The following DIPK2B variants were observed in gnomAD, a reference collection of about 807,000 sequenced individuals.
DIPK2B encodes divergent protein kinase domain 2B.
Under a neutral mutation model 22.2 loss-of-function variants are expected in DIPK2B, and 15 were observed. The observed-to-expected ratio is 0.68, with a 90% CI of 0.45 to 1.04. DIPK2B has a LOEUF of 1.04. Ranked by LOEUF, DIPK2B falls within the 50% of genes least tolerant of loss-of-function variation. DIPK2B has a pLI of 0.00. For missense variants in DIPK2B, 345 were observed against 348.3 expected, an observed-to-expected ratio of 0.99 and a Z score of 0.08; for synonymous variants, 163 against 153.2, an observed-to-expected ratio of 1.06 and a Z score of -0.47.
chrX:45,198,306 C>T (rs552032130), intron 1 of DIPK2B, among the ~76,000 whole-genome samples: 7 of 111,221 alleles, frequency 6.3e-5, no homozygotes, highest in African/African-American at 2.3e-4. Flanking sequence ...TAAACAGGCA[C>T]GACTTTGATA....
At chrX:45,153,524 CAG>C (rs1200921051) in intron 4 of DIPK2B, among the ~76,000 whole-genome samples, 2 of 44,340 alleles carry the variant, frequency 4.5e-5, no homozygotes, top group African/African-American at 8.1e-5. Flanking sequence ...GTGTGTGTGA[CAG>C]AGAGAGAGGA....
chrX:45,186,868 A>G (rs2047185543), intron 2 of DIPK2B, among the ~76,000 whole-genome samples: 1 of 112,230 alleles, frequency 8.9e-6, no homozygotes, highest in Non-Finnish European at 1.9e-5. Context: ...TCCTATAACC[A>G]TCCCTTACAT....
At chrX:45,158,574 G>A (rs1184398865) in intron 2 of DIPK2B, among the ~76,000 whole-genome samples, 1 of 108,227 alleles carries the variant, frequency 9.2e-6, no homozygotes, top group Non-Finnish European at 1.9e-5. Context: ...TTTCTCTCAT[G>A]ACTTTCTAGC....
chrX:45,163,434 C>T (rs923319460), intron 2 of DIPK2B: 6 of 752,379 alleles, frequency 8.0e-6, no homozygotes, highest in Non-Finnish European at 6.3e-6. Flanking sequence ...GCAATGAAGA[C>T]CGAAATCTAG....
chrX:45,194,457 C>G (rs1335960571), intron 1 of DIPK2B, among the ~76,000 whole-genome samples: 1 of 110,637 alleles, frequency 9.0e-6, no homozygotes, highest in African/African-American at 3.3e-5. Flanking sequence ...ACCATGTTGG[C>G]CAGGCTGGAC....
chrX:45,188,696 C>A (rs1349503232), intron 2 of DIPK2B, among the ~76,000 whole-genome samples: 2 of 112,353 alleles, frequency 1.8e-5, no homozygotes, highest in East Asian at 5.6e-4. Context: ...AGAATCATTT[C>A]ATCACTCCAG....
At chrX:45,165,322 G>A (rs1444489608) in intron 2 of DIPK2B, among the ~76,000 whole-genome samples, 1 of 111,707 alleles carries the variant, frequency 9.0e-6, no homozygotes, top group Non-Finnish European at 1.9e-5. Flanking sequence ...AAAAGGGGAT[G>A]TGCACACTGT....
chrX:45,150,566 C>A lies in DIPK2B; in HGVS notation c.*1086G>T. 9.3e-6 allele frequency: 1 copy of A among 108,028 alleles called. No individual in the cohort carries two copies. The highest frequency in any genetic ancestry group is 2.8e-4 in the East Asian group (1 of 3,522). The allele number at this position is 108,028 out of a possible 1,213,427, so 8.9% of individuals were successfully genotyped here. A position where few individuals can be genotyped will look rare whatever the true frequency, so the allele number is the denominator to read the frequency against. The stretch of plus-strand genomic sequence containing the variant: ...ACAAGAATGTTCTCCCACTCAAGAT[C>A]TCCTGCTCTAGGGAGCGGGGCTGAC... On this transcript the variant is annotated 3_prime_UTR_variant, in exon 5 of 5. Coordinates refer to ENST00000398000, the MANE Select transcript of DIPK2B (RefSeq NM_176819.4).
At chrX:45,200,417 C>G (rs2047261101) in intron 1 of DIPK2B, among the ~76,000 whole-genome samples, 177 bp downstream of exon 1, 1 of 112,065 alleles carries the variant, frequency 8.9e-6, no homozygotes, top group Admixed American at 9.5e-5. Flanking sequence ...TGGAATTTGG[C>G]TTCACATCTT....
chrX:45,198,996 G>A (rs940237962), intron 1 of DIPK2B, among the ~76,000 whole-genome samples: 2 of 111,029 alleles, frequency 1.8e-5, no homozygotes, highest in East Asian at 2.8e-4. Flanking sequence ...CACTTTGCAC[G>A]AGCTCTTCCC....
chrX:45,154,307 C>CTA (rs2046979444), intron 3 of DIPK2B, 109 bp from the exon 4 acceptor site: 4 of 656,679 alleles, frequency 6.1e-6, no homozygotes, highest in Middle Eastern at 1.0e-3. Flanking sequence ...ATCTATCTAT[C>CTA]TATCTATCTA....
rs992671303 is a variant in DIPK2B at position 45,163,309 on chromosome X, C to A, written c.499-5421G>T. 3 of 600,631 alleles carry A rather than the reference C, an allele frequency of 5.0e-6. No homozygotes were observed. In the South Asian group the frequency reaches 2.6e-4, roughly 52 times the overall value. 49.5% of individuals were successfully genotyped at this position (600,631 alleles called of 1,213,427 possible). A position where few individuals can be genotyped will look rare whatever the true frequency, so the allele number is the denominator to read the frequency against. On this transcript the variant is annotated intron_variant, in intron 2 of 4. Coordinates refer to ENST00000398000, the MANE Select transcript of DIPK2B (RefSeq NM_176819.4). The stretch of plus-strand genomic sequence containing the variant: ...ATCCCCACAATCATGTAAATCAATT[C>A]TTTGAAATAAATCTGGACATGTATA...
chrX:45,176,261 A>G (rs772858492), intron 2 of DIPK2B, among the ~76,000 whole-genome samples: 17 of 102,718 alleles, frequency 1.7e-4, no homozygotes, highest in Non-Finnish European at 2.6e-4. Flanking sequence ...GAATGAAGTG[A>G]GCCTCATGAG....
chrX:45,151,664 G>A lies in DIPK2B; in HGVS notation c.1290C>T (p.Asn430=), dbSNP rs1291286010. The part of the protein sequence containing the change: ...FAYRYPDCKY[N]DKF ...AGACACCAGCCCTTCAGAACTTATC[G>A]TTATATTTGCAATCTGGGTAACGAT... is the stretch of plus-strand genomic sequence containing the variant. Residue 430 remains asparagine, a synonymous_variant, in exon 5 of 5, where the codon AAC becomes AAT. Coordinates refer to ENST00000398000, the MANE Select transcript of DIPK2B (RefSeq NM_176819.4). 9 of 1,209,556 alleles carry A rather than the reference G, an allele frequency of 7.4e-6. No homozygotes were observed. Among genetic ancestry groups the A allele is most frequent in the South Asian group, 5.3e-5 (3 of 56,699 alleles).
intron 2 of DIPK2B, among the ~76,000 whole-genome samples, chrX:45,166,232 A>G (rs1266856551): frequency 9.0e-6 from 1 of 111,571 alleles, no homozygotes; most frequent in African/African-American, 3.3e-5. Flanking sequence ...CACCAGATGC[A>G]TGGTCGCTGG....
intron 2 of DIPK2B, among the ~76,000 whole-genome samples, chrX:45,187,305 A>T (rs2047188515): frequency 8.9e-6 from 1 of 112,351 alleles, no homozygotes; most frequent in African/African-American, 3.2e-5. Context: ...TTTGTGAACA[A>T]GCACCTTATC....
At chrX:45,184,588 A>G (rs1461607070) in intron 2 of DIPK2B, among the ~76,000 whole-genome samples, 1 of 112,282 alleles carries the variant, frequency 8.9e-6, no homozygotes, top group Non-Finnish European at 1.9e-5. Flanking sequence ...TTTATAAATT[A>G]TGCCTTCCAC....
At chrX:45,163,691 CT>C (rs992723351) in intron 2 of DIPK2B, 6 of 752,721 alleles carry the variant, frequency 8.0e-6, no homozygotes, top group African/African-American at 2.3e-5. Context: ...AAGAGGTATG[CT>C]TTTTTTTCCC....
chrX:45,153,438 G>A (rs924805217), intron 4 of DIPK2B, among the ~76,000 whole-genome samples: 29 of 109,242 alleles, frequency 2.7e-4, no homozygotes, highest in African/African-American at 9.4e-4. Flanking sequence ...AGCATCTGAT[G>A]AGAAAGACTC....
Sources: gnomAD v4.1 joint callset for allele counts (sites outside exome capture counted in the v4.1 genomes callset) on GRCh38, gnomAD v4.1.1 for gene constraint, MANE v1.5 for transcripts, NCBI Gene and HGNC (gene_info 2026-07-23, HGNC 2026-07-21) for gene names.